GRID1: variants seen among roughly 807,000 people sequenced by gnomAD.
GRID1 encodes the protein glutamate ionotropic receptor delta type subunit 1.
In GRID1, 28 loss-of-function variants were observed where a neutral mutation model predicts 98.0. The observed-to-expected ratio is 0.29, with a 90% CI of 0.21 to 0.39. GRID1 has a LOEUF of 0.39. Ranked by LOEUF, GRID1 falls within the 10% of genes least tolerant of loss-of-function variation. The probability of loss-of-function intolerance (pLI) is 1.00; values close to 1 mark genes in which losing one functional copy is unlikely to be tolerated. For synonymous variants in GRID1, 553 were observed against 538.5 expected (o/e 1.03, Z -0.37); for missense variants, 1,111 against 1,340.5 (o/e 0.83, Z 2.67).
At chr10:86,281,344 C>T (rs1004912854) in intron 2 of GRID1, among the ~76,000 whole-genome samples, 7 of 152,314 alleles carry the variant, frequency 4.6e-5, no homozygotes, top group South Asian at 2.1e-4. Context: ...CAGAGCTGCA[C>T]CTATTGCAGC....
chr10:85,969,184 A>G (rs896554954), intron 4 of GRID1, among the ~76,000 whole-genome samples: 2 of 152,202 alleles, frequency 1.3e-5, no homozygotes, highest in Admixed American at 6.5e-5. Context: ...CCCCAAAAAC[A>G]CAGGAGGCAA....
chr10:85,737,673 TAAAC>T (rs1201792324), intron 8 of GRID1, among the ~76,000 whole-genome samples: 58 of 112,838 alleles, frequency 5.1e-4, no homozygotes, highest in Non-Finnish European at 7.0e-4. Flanking sequence ...TATATATATA[TAAAC>T]ATATATGGTT....
At chr10:85,721,729 T>C (rs1841704884) in intron 12 of GRID1, among the ~76,000 whole-genome samples, 1 of 152,164 alleles carries the variant, frequency 6.6e-6, no homozygotes, top group South Asian at 2.1e-4. Context: ...TGGGTGGTTA[T>C]AAAAGGACAA....
At chr10:85,989,612 A>C (rs1842655041) in intron 4 of GRID1, among the ~76,000 whole-genome samples, 1 of 152,220 alleles carries the variant, frequency 6.6e-6, no homozygotes. Context: ...TTGTGCACTC[A>C]TGAGAATCTA....
intron 4 of GRID1, among the ~76,000 whole-genome samples, chr10:85,938,176 T>A (rs1165263820): frequency 6.6e-6 from 1 of 152,190 alleles, no homozygotes; most frequent in Admixed American, 6.5e-5. Flanking sequence ...GATGGGAGAA[T>A]CCAACTCTCT....
intron 2 of GRID1, among the ~76,000 whole-genome samples, chr10:86,217,583 C>G (rs1036674423): frequency 6.6e-6 from 1 of 152,150 alleles, no homozygotes; most frequent in African/African-American, 2.4e-5. Flanking sequence ...TGGCCAGACA[C>G]CAATCATGGC....
chr10:85,654,627 T>G (rs943037759), intron 12 of GRID1, among the ~76,000 whole-genome samples: 1 of 152,158 alleles, frequency 6.6e-6, no homozygotes, highest in Non-Finnish European at 1.5e-5. Flanking sequence ...CTACCAGCCC[T>G]ATCAAACACC....
At chr10:85,611,208 GTC>G (rs1842728897) in intron 15 of GRID1, among the ~76,000 whole-genome samples, 1 of 151,844 alleles carries the variant, frequency 6.6e-6, no homozygotes, top group African/African-American at 2.4e-5. Flanking sequence ...CTCTTTCTCT[GTC>G]TCTCTCACAC....
At chr10:85,765,756 T>C (rs1381115714) in intron 8 of GRID1, among the ~76,000 whole-genome samples, 2 of 152,208 alleles carry the variant, frequency 1.3e-5, no homozygotes, top group African/African-American at 4.8e-5. Context: ...GCATTTCGGA[T>C]AAAGAACACT....
intron 2 of GRID1, among the ~76,000 whole-genome samples, chr10:86,212,054 G>C (rs931227736): frequency 3.3e-5 from 5 of 152,212 alleles, no homozygotes; most frequent in Non-Finnish European, 5.9e-5. Context: ...AGACATTGAG[G>C]TCACTCTAGG....
chr10:86,175,667 T>C (rs114699577), intron 3 of GRID1, among the ~76,000 whole-genome samples: 4,412 of 152,144 alleles, frequency 0.029, 216 homozygotes, highest in African/African-American at 0.1. Context: ...GGGGAGTGTT[T>C]GGTAAATGTT....
intron 2 of GRID1, among the ~76,000 whole-genome samples, chr10:86,291,600 T>G (rs1257471319): frequency 6.6e-6 from 1 of 152,176 alleles, no homozygotes; most frequent in African/African-American, 2.4e-5. Context: ...CTCCTGAATG[T>G]TGGGCTGCCC....
intron 2 of GRID1, among the ~76,000 whole-genome samples, chr10:86,245,129 G>T (rs1353607227): frequency 2.0e-5 from 3 of 152,232 alleles, no homozygotes; most frequent in Non-Finnish European, 2.9e-5. Flanking sequence ...ACAGAGCCTG[G>T]GGCTCCCTGT....
At chr10:85,889,278 A>C (rs1319989232) in intron 5 of GRID1, among the ~76,000 whole-genome samples, 1 of 152,180 alleles carries the variant, frequency 6.6e-6, no homozygotes, top group East Asian at 1.9e-4. Context: ...ATGTGGAAAT[A>C]GGCCCAGAAA....
intron 3 of GRID1, among the ~76,000 whole-genome samples, chr10:86,139,614 T>G (rs1287276305): frequency 6.6e-6 from 1 of 152,196 alleles, no homozygotes; most frequent in East Asian, 1.9e-4. Flanking sequence ...GACCTGATTT[T>G]CCTTGATAAA....
At chr10:86,355,553 G>T (rs1848522934) in intron 2 of GRID1, among the ~76,000 whole-genome samples, 1 of 152,080 alleles carries the variant, frequency 6.6e-6, no homozygotes, top group Admixed American at 6.5e-5. Flanking sequence ...AACCTACACT[G>T]CCTACAGCTT....
chr10:85,986,904 C>T (rs1410649550), intron 4 of GRID1, among the ~76,000 whole-genome samples: 1 of 152,148 alleles, frequency 6.6e-6, no homozygotes, highest in East Asian at 1.9e-4. Context: ...CCACAGATGG[C>T]CCCATTCAGC....
At chr10:86,297,984 T>C (rs1326410390) in intron 2 of GRID1, among the ~76,000 whole-genome samples, 1 of 152,210 alleles carries the variant, frequency 6.6e-6, no homozygotes, top group Non-Finnish European at 1.5e-5. Flanking sequence ...AATGATCTTT[T>C]CGAAAGCAAT....
At chr10:86,330,954 G>A (rs992310826) in intron 2 of GRID1, among the ~76,000 whole-genome samples, 1 of 151,912 alleles carries the variant, frequency 6.6e-6, no homozygotes, top group Non-Finnish European at 1.5e-5. Context: ...GGAGGGCCTG[G>A]AGGCCAGGAC....
Sources: allele counts gnomAD v4.1 joint callset (sites outside exome capture counted in the v4.1 genomes callset), GRCh38; gene constraint gnomAD v4.1.1; transcripts MANE v1.5; gene names NCBI Gene and HGNC (gene_info 2026-07-23, HGNC 2026-07-21).